PCCA: variants seen among roughly 807,000 people sequenced by gnomAD.
PCCA encodes the protein propionyl-CoA carboxylase subunit alpha.
In PCCA, 74 loss-of-function variants were observed where a neutral mutation model predicts 101.3. The observed-to-expected ratio is 0.73, with a 90% CI of 0.61 to 0.89. The LOEUF (loss-of-function observed/expected upper bound fraction) is 0.89, where lower values mean the gene tolerates loss of function less well. PCCA is among the 40% of genes least tolerant of loss of function. PCCA has a pLI of 0.00. For missense variants in PCCA, 891 were observed against 907.0 expected (o/e 0.98, Z 0.23); for synonymous variants, 294 against 313.6 (o/e 0.94, Z 0.66).
chr13:100,136,396 G>A (rs948153173), intron 4 of PCCA, among the ~76,000 whole-genome samples: 1 of 151,988 alleles, frequency 6.6e-6, no homozygotes, highest in Non-Finnish European at 1.5e-5. Context: ...ATGTTGGTCA[G>A]GCTGGTCTCA....
At chr13:100,255,735 A>G (rs1397273951) in intron 8 of PCCA, among the ~76,000 whole-genome samples, 1 of 152,154 alleles carries the variant, frequency 6.6e-6, no homozygotes, top group African/African-American at 2.4e-5. Flanking sequence ...GTTATTGTGA[A>G]TGAGACAAAT....
At chr13:100,117,320 T>A (rs2048884331) in intron 4 of PCCA, among the ~76,000 whole-genome samples, 2 of 152,224 alleles carry the variant, frequency 1.3e-5, no homozygotes, top group African/African-American at 4.8e-5. Context: ...ATCAGTTTAC[T>A]GTTATATACC....
chr13:100,153,965 TCA>T, intron 4 of PCCA, among the ~76,000 whole-genome samples: 1 of 152,184 alleles, frequency 6.6e-6, no homozygotes, highest in Non-Finnish European at 1.5e-5. Flanking sequence ...TTTTAAGATC[TCA>T]TTTAAAACAA....
rs138518726 is a variant in PCCA, at chr13:100,523,658, C to T, written c.2041-4017C>T. Among the ~76,000 whole-genome samples, 448 of 152,278 alleles carry T rather than the reference C, an allele frequency of 2.9e-3. 5 individuals are homozygous for T. The highest frequency in any genetic ancestry group is 9.8e-3 in the African/African-American group (408 of 41,564). The stretch of plus-strand genomic sequence containing the variant: ...TGAGTGCCGCTCTGATAATCGGATG[C>T]GAACGTGAACCTTGACCTCGTGTCA... On this transcript the variant is annotated intron_variant, in intron 22 of 23. Transcript: ENST00000376285.
intron 7 of PCCA, among the ~76,000 whole-genome samples, chr13:100,220,226 A>G (rs2059740739): frequency 6.6e-6 from 1 of 152,162 alleles, no homozygotes; most frequent in South Asian, 2.1e-4. Context: ...ATAGCCTTCA[A>G]AAGACCGTGT....
At chr13:100,201,151 ATATC>A (rs1235148404) in intron 6 of PCCA, among the ~76,000 whole-genome samples, 2 of 152,228 alleles carry the variant, frequency 1.3e-5, no homozygotes, top group African/African-American at 2.4e-5. Flanking sequence ...AAGTTGTACT[ATATC>A]TATATTGTCA....
At chr13:100,110,558 G>T (rs543672126) in intron 2 of PCCA, among the ~76,000 whole-genome samples, 1 of 152,144 alleles carries the variant, frequency 6.6e-6, no homozygotes, top group Non-Finnish European at 1.5e-5. Context: ...TCAAAATTTG[G>T]TGGTTATTCA....
chr13:100,247,274 G>A (rs1182270048), intron 8 of PCCA, among the ~76,000 whole-genome samples: 1 of 142,868 alleles, frequency 7.0e-6, no homozygotes, highest in African/African-American at 2.6e-5. Context: ...CGGGAGTACA[G>A]TGGCATGATC....
chr13:100,446,613 T>A (rs1296143818), intron 20 of PCCA, among the ~76,000 whole-genome samples: 1 of 152,194 alleles, frequency 6.6e-6, no homozygotes, highest in Non-Finnish European at 1.5e-5. Context: ...AATGCCAGTG[T>A]CAAAACCTAG....
intron 8 of PCCA, among the ~76,000 whole-genome samples, chr13:100,249,915 T>G (rs1433325397): frequency 1.3e-5 from 2 of 152,208 alleles, no homozygotes; most frequent in African/African-American, 4.8e-5. Context: ...TTAATTTGTA[T>G]TCTGTAACCT....
chr13:100,099,560 A>C (rs1594070168), intron 1 of PCCA, among the ~76,000 whole-genome samples: 1 of 151,910 alleles, frequency 6.6e-6, no homozygotes, highest in Non-Finnish European at 1.5e-5. Flanking sequence ...CTTGTGATCC[A>C]CCTGCCTCGG....
chr13:100,405,769 C>CT (rs34906541), intron 19 of PCCA, among the ~76,000 whole-genome samples: 25,093 of 116,282 alleles, frequency 0.22, 4,251 homozygotes, highest in East Asian at 0.73. Context: ...AAGTGACATT[C>CT]TTTTTTTTTT....
intron 19 of PCCA, among the ~76,000 whole-genome samples, chr13:100,409,403 G>A (rs1207481445): frequency 2.0e-5 from 3 of 152,158 alleles, no homozygotes; most frequent in Non-Finnish European, 1.5e-5. Flanking sequence ...CAGTTTGAAT[G>A]GGAGTAAGGC....
chr13:100,406,440 C>T (rs887630129), intron 19 of PCCA, among the ~76,000 whole-genome samples: 2 of 152,196 alleles, frequency 1.3e-5, no homozygotes, highest in Non-Finnish European at 2.9e-5. Context: ...TGCGGCCGCT[C>T]ACGCCTGTAA....
intron 18 of PCCA, among the ~76,000 whole-genome samples, chr13:100,362,400 A>C (rs2074719757): frequency 6.6e-6 from 1 of 152,102 alleles, no homozygotes; most frequent in Non-Finnish European, 1.5e-5. Flanking sequence ...GCCAAACACT[A>C]CTCTAAGCAT....
intron 6 of PCCA, among the ~76,000 whole-genome samples, chr13:100,188,254 C>T (rs1323267976): frequency 6.6e-6 from 1 of 151,904 alleles, no homozygotes; most frequent in Admixed American, 6.6e-5. Flanking sequence ...GATCGTGCCA[C>T]TGCACTCCAG....
At chr13:100,202,583 C>T (rs2058593965) in intron 6 of PCCA, among the ~76,000 whole-genome samples, 1 of 147,740 alleles carries the variant, frequency 6.8e-6, no homozygotes, top group African/African-American at 2.5e-5. Flanking sequence ...GTAGTGTGGT[C>T]TTTTAATATG....
chr13:100,396,262 G>A lies in PCCA; in HGVS notation c.1746+27688G>A, dbSNP rs564546447. Among the ~76,000 whole-genome samples, 5 of 152,234 alleles carry A rather than the reference G, an allele frequency of 3.3e-5. No homozygotes were observed. In the South Asian group the frequency reaches 6.2e-4, roughly 19 times the overall value. ...GAGTTTAAATACCAATCCTGAACCT[G>A]CTGGCTGTGGAATCCAGCAGAAGTT... On this transcript the variant is annotated intron_variant, in intron 19 of 23. Transcript: ENST00000376285.
At chr13:100,496,605 G>C (rs1395768825) in intron 21 of PCCA, among the ~76,000 whole-genome samples, 1 of 151,950 alleles carries the variant, frequency 6.6e-6, no homozygotes. Context: ...GGTTCAGGTG[G>C]TGTTTGTCCC....
Sources: gnomAD v4.1 joint callset for allele counts (sites outside exome capture counted in the v4.1 genomes callset) on GRCh38, gnomAD v4.1.1 for gene constraint, MANE v1.5 for transcripts, NCBI Gene and HGNC (gene_info 2026-07-23, HGNC 2026-07-21) for gene names.